TASP1: variants seen among roughly 807,000 people sequenced by gnomAD.
TASP1 encodes threonine aspartase 1.
Under a neutral mutation model 56.6 loss-of-function variants are expected in TASP1, and 16 were observed. That is an observed-to-expected ratio of 0.28 (90% CI 0.19 to 0.43). The LOEUF is 0.43. TASP1 is among the 20% of genes least tolerant of loss of function. The probability of loss-of-function intolerance (pLI) is 1.00; values close to 1 mark genes in which losing one functional copy is unlikely to be tolerated. For synonymous variants in TASP1, 179 were observed against 184.2 expected (o/e 0.97, Z 0.23); for missense variants, 393 against 511.6 (o/e 0.77, Z 2.24).
At chr20:13,414,305 T>C (rs769956228) in intron 13 of TASP1, among the ~76,000 whole-genome samples, 1 of 152,228 alleles carries the variant, frequency 6.6e-6, no homozygotes, top group Non-Finnish European at 1.5e-5. Flanking sequence ...CAAGTGATAC[T>C]GTATCCTCAA....
chr20:13,579,216 T>C (rs1178496170), intron 6 of TASP1, among the ~76,000 whole-genome samples: 1 of 152,168 alleles, frequency 6.6e-6, no homozygotes, highest in East Asian at 1.9e-4. Flanking sequence ...AGAGACAATC[T>C]CTTTGCACTT....
intron 10 of TASP1, among the ~76,000 whole-genome samples, chr20:13,489,282 C>A (rs1360637663): frequency 6.6e-6 from 1 of 152,176 alleles, no homozygotes; most frequent in African/African-American, 2.4e-5. Flanking sequence ...AATATCATTA[C>A]CATTCCGGTC....
intron 10 of TASP1, among the ~76,000 whole-genome samples, chr20:13,511,415 T>C (rs2044321297): frequency 6.6e-6 from 1 of 152,102 alleles, no homozygotes; most frequent in African/African-American, 2.4e-5. Flanking sequence ...TGCAAAATCA[T>C]GTATTTTCTT....
chr20:13,234,179 A>G, the TASP1 span, among the ~76,000 whole-genome samples: 1 of 152,032 alleles, frequency 6.6e-6, no homozygotes, highest in African/African-American at 2.4e-5. Flanking sequence ...GTGTATGCCC[A>G]TTGTTTAGCC....
chr20:13,415,832 C>T (rs924197676), intron 13 of TASP1, among the ~76,000 whole-genome samples: 2 of 152,108 alleles, frequency 1.3e-5, no homozygotes, highest in Admixed American at 1.3e-4. Context: ...TGCTGACGTC[C>T]ACCTCAAACA....
At chr20:13,256,227 T>C in the TASP1 span, among the ~76,000 whole-genome samples, 24,876 of 151,560 alleles carry the variant, frequency 0.16, 2,284 homozygotes, top group East Asian at 0.42. Context: ...GAAACCCCAT[T>C]TTTACTAAAA....
At chr20:13,147,306 T>G in the TASP1 span, among the ~76,000 whole-genome samples, 4 of 152,188 alleles carry the variant, frequency 2.6e-5, no homozygotes, top group Admixed American at 2.0e-4. Context: ...AAATGTTCTT[T>G]TCTCCACCCC....
chr20:13,539,066 G>A (rs973014248), intron 8 of TASP1, among the ~76,000 whole-genome samples: 2 of 151,876 alleles, frequency 1.3e-5, no homozygotes, highest in Admixed American at 6.6e-5. Context: ...TAATAATTTA[G>A]CTAGAATTAT....
At chr20:13,464,048 C>T (rs1478523996) in intron 11 of TASP1, among the ~76,000 whole-genome samples, 1 of 152,080 alleles carries the variant, frequency 6.6e-6, no homozygotes, top group Non-Finnish European at 1.5e-5. Context: ...ATTTGTACAC[C>T]CATATTAATT....
intron 11 of TASP1, among the ~76,000 whole-genome samples, chr20:13,438,345 A>T (rs1396745046): frequency 6.6e-6 from 1 of 152,238 alleles, no homozygotes; most frequent in Non-Finnish European, 1.5e-5. Context: ...CTCAGAAATA[A>T]TGCCACATAT....
intron 8 of TASP1, among the ~76,000 whole-genome samples, chr20:13,534,958 AG>A (rs1456976728): frequency 2.0e-5 from 3 of 152,200 alleles, no homozygotes; most frequent in Non-Finnish European, 2.9e-5. Context: ...TATATTAAAA[AG>A]GGGGGTTACG....
rs745582533 is a variant in TASP1, at chr20:13,528,506, A to G, written c.801T>C (p.Ala267=). The G allele has an allele frequency of 2.5e-6, 4 of 1,608,590 alleles. No homozygotes were observed. The highest frequency in any genetic ancestry group is 3.4e-6 in the Non-Finnish European group (4 of 1,177,252). The change falls in exon 10 of 14, where the codon GCT becomes GCC. Residue 267 remains alanine, a synonymous_variant. Transcript: ENST00000337743. ...LKHPGRVGQA[A]LYGCGCWAEN... is the part of the protein sequence containing the mutation. ...CAGCCCAGCAGCCACATCCATAAAG[A>G]GCAGCCTGGGGAAAAAAGAAAATAG... is the stretch of plus-strand genomic sequence containing the variant.
At chr20:13,107,594 A>G in the TASP1 span, among the ~76,000 whole-genome samples, 1 of 152,126 alleles carries the variant, frequency 6.6e-6, no homozygotes, top group Non-Finnish European at 1.5e-5. Context: ...GCAGATAAAA[A>G]GAGAAAAAAA....
the TASP1 span, among the ~76,000 whole-genome samples, chr20:13,206,634 G>T: frequency 6.6e-6 from 1 of 152,156 alleles, no homozygotes; most frequent in Non-Finnish European, 1.5e-5. Flanking sequence ...TATTGAGGCT[G>T]CCATTTTCTA....
rs764376415 is a variant in TASP1 at position 13,435,100 on chromosome 20, C to T, written c.1040G>A (p.Arg347His). ...DGVLGGVIVL[R>H]SCRCSAEPDS... The stretch of plus-strand genomic sequence containing the variant: ...AGGCTCGGCAGAACATCTGCATGAA[C>T]GGAGGACAATCACTCCGCCAAGCAC... Residue 347 changes from arginine to histidine, a missense_variant, in exon 12 of 14, where the codon CGT (arginine) becomes CAT (histidine). By Grantham distance (29) the Arg-to-His change is conservative (BLOSUM62 0). This residue lies in a region of TASP1 where 293 missense variants were observed against 354.2 expected (regional missense o/e 0.83). Coordinates refer to ENST00000337743, the MANE Select transcript of TASP1 (RefSeq NM_017714.3). 2.5e-6 allele frequency: 4 copies of T among 1,610,668 alleles called. No homozygotes were observed. Among genetic ancestry groups the T allele is most frequent in the African/African-American group, 1.3e-5 (1 of 74,818 alleles).
At chr20:13,330,437 C>T in the TASP1 span, among the ~76,000 whole-genome samples, 3 of 150,594 alleles carry the variant, frequency 2.0e-5, no homozygotes, top group Admixed American at 2.0e-4. Flanking sequence ...ATGATGTGGA[C>T]TTTTGCATCT....
At chr20:13,374,943 TC>T in the TASP1 span, among the ~76,000 whole-genome samples, 2 of 152,094 alleles carry the variant, frequency 1.3e-5, no homozygotes, top group Non-Finnish European at 2.9e-5. Flanking sequence ...AAAATGTCTG[TC>T]CTTTTCATAT....
chr20:13,611,223 T>C (rs1346510752), intron 4 of TASP1, among the ~76,000 whole-genome samples: 1 of 152,212 alleles, frequency 6.6e-6, no homozygotes. Context: ...TAGGAAGTTA[T>C]CAGGACAAAG....
chr20:13,355,630 G>A, the TASP1 span, among the ~76,000 whole-genome samples: 1 of 152,200 alleles, frequency 6.6e-6, no homozygotes, highest in African/African-American at 2.4e-5. Context: ...AAGCCTCAGC[G>A]TGCTTTCTCC....
Sources: gnomAD v4.1 joint callset for allele counts (sites outside exome capture counted in the v4.1 genomes callset) on GRCh38, gnomAD v4.1.1 for gene constraint, gnomAD v4.1.1 regional missense constraint, MANE v1.5 for transcripts, NCBI Gene and HGNC (gene_info 2026-07-23, HGNC 2026-07-21) for gene names.